Variants in ARHGEF10L observed in about 807,000 individuals in gnomAD.
The protein encoded by ARHGEF10L is Rho guanine nucleotide exchange factor 10 like, also known as rho guanine nucleotide exchange factor 10-like protein.
ARHGEF10L carries 69 observed loss-of-function variants against 141.2 expected under a neutral mutation model. The ratio of observed to expected loss-of-function variants is 0.49; its 90% confidence interval spans 0.40 to 0.60. The LOEUF (loss-of-function observed/expected upper bound fraction) is 0.60. ARHGEF10L is among the 20% of genes least tolerant of loss of function. The pLI, the probability that ARHGEF10L is intolerant of heterozygous loss-of-function variation, is 0.00. For synonymous variants in ARHGEF10L, 711 were observed against 718.5 expected (o/e 0.99, Z 0.17); for missense variants, 1,482 against 1,734.3 (o/e 0.85, Z 2.58).
intron 4 of ARHGEF10L, among the ~76,000 whole-genome samples, chr1:17,595,702 C>T (rs2080026589): frequency 1.3e-5 from 2 of 152,226 alleles, no homozygotes; most frequent in East Asian, 3.9e-4. Context: ...GCAGGTGAGG[C>T]CCCCGTGCCT....
chr1:17,611,635 T>TG (rs2059555856), intron 7 of ARHGEF10L, among the ~76,000 whole-genome samples: 1 of 151,998 alleles, frequency 6.6e-6, no homozygotes, highest in African/African-American at 2.4e-5. Context: ...AAGATAATAA[T>TG]GGCTTCCATT....
chr1:17,678,626 C>G (rs901491401), intron 26 of ARHGEF10L, among the ~76,000 whole-genome samples: 1 of 152,094 alleles, frequency 6.6e-6, no homozygotes, highest in Non-Finnish European at 1.5e-5. Context: ...ACCACGTTGG[C>G]CAGGCTGGTT....
intron 25 of ARHGEF10L, among the ~76,000 whole-genome samples, chr1:17,657,898 T>A (rs900634003): frequency 1.3e-5 from 2 of 152,210 alleles, no homozygotes; most frequent in African/African-American, 2.4e-5. Flanking sequence ...TCCCTCTTAC[T>A]GCTCGATTCA....
chr1:17,681,747 T>C (rs1255320220), intron 26 of ARHGEF10L, among the ~76,000 whole-genome samples: 3 of 152,202 alleles, frequency 2.0e-5, no homozygotes, highest in African/African-American at 7.2e-5. Context: ...CTAAAGGTGC[T>C]GGTTTCCCTT....
At chr1:17,520,939 G>A in the ARHGEF10L span, among the ~76,000 whole-genome samples, 2 of 152,182 alleles carry the variant, frequency 1.3e-5, no homozygotes, top group African/African-American at 2.4e-5. Context: ...CTGACTCCCC[G>A]CCCAGGGCTC....
At chr1:17,595,220 CTT>C (rs58475060) in intron 4 of ARHGEF10L, among the ~76,000 whole-genome samples, 3,169 of 105,874 alleles carry the variant, frequency 0.03, 143 homozygotes, top group African/African-American at 0.11. Flanking sequence ...CGTGGCTCAC[CTT>C]TTTTTTTTTT....
At chr1:17,553,804 A>G (rs886698138) in intron 1 of ARHGEF10L, among the ~76,000 whole-genome samples, 3 of 152,158 alleles carry the variant, frequency 2.0e-5, no homozygotes, top group Non-Finnish European at 4.4e-5. Flanking sequence ...AATAAAAAAT[A>G]TATAGCTTAA....
At position 17,602,227 on chromosome 1, in the gene ARHGEF10L, C is replaced by T; in HGVS notation, c.349+9C>T. 1 of 1,558,488 alleles carries T rather than the reference C, an allele frequency of 6.4e-7. No individual in the cohort carries two copies. On this transcript the variant is annotated intron_variant, in intron 5 of 28. Transcript: ENST00000361221. ...GAAGAGTTCCCGTCGCAGTAAGTCT[C>T]CCCTCCGGCCCACCGCCCACCCCAG...
chr1:17,670,384 C>A (rs1053663961), intron 26 of ARHGEF10L, among the ~76,000 whole-genome samples: 2 of 152,280 alleles, frequency 1.3e-5, no homozygotes, highest in Non-Finnish European at 2.9e-5. Flanking sequence ...CTCACCGGGG[C>A]CCGTGTCAAC....
At chr1:17,601,049 CAAAAA>C (rs55806926) in intron 4 of ARHGEF10L, among the ~76,000 whole-genome samples, 1 of 51,168 alleles carries the variant, frequency 2.0e-5, no homozygotes. Context: ...GGCTCTGTCT[CAAAAA>C]AAAAAAAAAA....
At chr1:17,637,740 G>C in intron 18 of ARHGEF10L, 148 bp from the exon 19 acceptor site, 2 of 597,650 alleles carry the variant, frequency 3.3e-6, no homozygotes, top group Non-Finnish European at 5.8e-6. Flanking sequence ...TCCTGACCTC[G>C]TGATCTGCCT....
intron 19 of ARHGEF10L, 38 bp downstream of exon 19, chr1:17,638,041 C>A (rs755474425): frequency 2.6e-5 from 40 of 1,533,236 alleles, no homozygotes; most frequent in Admixed American, 3.9e-5. Context: ...CCTGAGCTCC[C>A]CAGTGTGGGC....
Position 17,623,008 on chromosome 1 carries a change from C to G in ARHGEF10L, c.1033C>G (p.Pro345Ala), listed in dbSNP as rs2060190647. The change falls in exon 12 of 29, where the codon CCC becomes GCC. Residue 345 changes from proline to alanine, a missense_variant. Pro to Ala is a conservative substitution (Grantham distance 27, BLOSUM62 -1). Transcript: ENST00000361221. This position sits in a 1 kb window ranked among gnomAD's most constrained non-coding sequence, Gnocchi z 4.7. ...CCCTCCCCGGCAGGACTACCGCAAC[C>G]CCCTGATGGAGATGGAGCCCAAGGC... ...LKRILQDYRNPLMEMEPKALS... is the reference protein window; with the variant it reads ...LKRILQDYRNALMEMEPKALS... The G allele has an allele frequency of 6.2e-7, 1 of 1,613,112 alleles. No homozygotes were observed. Among genetic ancestry groups the G allele is most frequent in the Non-Finnish European group, 8.5e-7 (1 of 1,179,808 alleles).
intron 18 of ARHGEF10L, among the ~76,000 whole-genome samples, chr1:17,635,849 C>A (rs1382325172): frequency 6.6e-6 from 1 of 152,160 alleles, no homozygotes; most frequent in African/African-American, 2.4e-5. Flanking sequence ...GTGCCCGAGG[C>A]ATCTTCTGTG....
chr1:17,579,636 T>C (rs1376095423), intron 1 of ARHGEF10L, among the ~76,000 whole-genome samples: 1 of 152,246 alleles, frequency 6.6e-6, no homozygotes, highest in African/African-American at 2.4e-5. Flanking sequence ...AGTAAGCCAG[T>C]TTAATAAAAA....
In ARHGEF10L at chr1:17,694,825, C is replaced by A. The variant is rs573711640; in HGVS notation, c.3185-333C>A. ...CCTGCATGGATTGCCCTTGGACAAC[C>A]CTTTGTGCCGGATGACCTGGCCGCC... On this transcript the variant is annotated intron_variant, in intron 27 of 28. Coordinates refer to ENST00000361221, the MANE Select transcript of ARHGEF10L (RefSeq NM_018125.4). The A allele has an allele frequency of 9.0e-5, 42 of 466,130 alleles. No homozygotes were observed. In the East Asian group the frequency reaches 2.2e-3, roughly 24 times the overall value. The allele number at this position is 466,130 out of a possible 1,614,324, so 28.9% of individuals were successfully genotyped here.
intron 4 of ARHGEF10L, among the ~76,000 whole-genome samples, chr1:17,591,326 T>C (rs1006980048): frequency 3.3e-5 from 5 of 152,134 alleles, no homozygotes; most frequent in Non-Finnish European, 5.9e-5. Flanking sequence ...CACTGCATCC[T>C]TGACCTTCCA....
intron 1 of ARHGEF10L, among the ~76,000 whole-genome samples, chr1:17,542,274 C>T (rs11203421): frequency 0.48 from 72,458 of 151,824 alleles, 17,657 homozygotes; most frequent in East Asian, 0.75. Flanking sequence ...CACAAGAGAA[C>T]ATGTCTCTAC....
Position 17,656,606 on chromosome 1 carries a change from A to G in ARHGEF10L, c.2758A>G (p.Arg920Gly). Reference protein sequence around the residue: ...DTGTQCLVSCRSPGLQPVLCL... With the variant: ...DTGTQCLVSCGSPGLQPVLCL... ...TGGCACCCAGTGCCTGGTGAGCTGC[A>G]GGAGCCCAGGTCTGCAGCCTGTGCT... Residue 920 changes from arginine to glycine, a missense_variant, in exon 25 of 29, where the codon AGG becomes GGG. By Grantham distance (125) the Arg-to-Gly change is moderately radical (BLOSUM62 -2). Transcript: ENST00000361221. This position sits in a 1 kb window ranked among gnomAD's most constrained non-coding sequence, Gnocchi z 4.9. The G allele has an allele frequency of 6.2e-7, 1 of 1,613,190 alleles. No homozygotes were observed.
Sources: allele counts gnomAD v4.1 joint callset (sites outside exome capture counted in the v4.1 genomes callset), GRCh38; gene constraint gnomAD v4.1.1; non-coding constraint Gnocchi (gnomAD v3.1); transcripts MANE v1.5; gene names NCBI Gene and HGNC (gene_info 2026-07-23, HGNC 2026-07-21).